Variants in DCTN2 observed in about 807,000 individuals in gnomAD.
DCTN2 encodes the protein 50 kDa dynein-associated polypeptide.
DCTN2 carries 18 observed loss-of-function variants against 55.4 expected under a neutral mutation model. The observed-to-expected ratio is 0.32, with a 90% confidence interval of 0.22 to 0.48. The LOEUF is 0.48. Among genes scored for constraint, DCTN2 ranks in the 20% least tolerant of loss-of-function variants. DCTN2 has a pLI of 0.99. For missense variants in DCTN2, 390 were observed against 491.0 expected (o/e 0.79, Z 1.94); for synonymous variants, 168 against 185.2 (o/e 0.91, Z 0.76).
chr12:57,532,466 C>G (rs1419155868), intron 11 of DCTN2, 106 bp downstream of exon 11: 9 of 1,386,886 alleles, frequency 6.5e-6, no homozygotes, highest in African/African-American at 1.4e-5. Context: ...TTCATAAGAG[C>G]TTATGAAGAT....
intron 2 of DCTN2, chr12:57,542,876 T>C (rs1880812333): frequency 4.4e-6 from 2 of 455,838 alleles, no homozygotes; most frequent in Non-Finnish European, 8.8e-6. Context: ...TCTATCCATA[T>C]TGGTTGTCTC....
In DCTN2 at chr12:57,532,073, T is replaced by C; in HGVS notation, c.1061A>G (p.Asp354Gly). 8 of 1,564,766 alleles carry C rather than the reference T, an allele frequency of 5.1e-6. No homozygotes were observed. The highest frequency in any genetic ancestry group is 6.9e-6 in the Non-Finnish European group (8 of 1,153,814). ...MQFGQLLTHLDTTQQMIANSL... is the reference protein window; with the variant it reads ...MQFGQLLTHLGTTQQMIANSL... Reference sequence around the variant, plus strand: ...ATTAGCAATCATCTGCTGGGTGGTATCCAAGTGTGTCAGGAGCTGACCAAA... The same window carrying C: ...ATTAGCAATCATCTGCTGGGTGGTACCCAAGTGTGTCAGGAGCTGACCAAA... The change falls in exon 13 of 14, where the codon GAT (aspartate) becomes GGT (glycine). Residue 354 changes from aspartate (D) to glycine (G), a missense_variant. By Grantham distance (94) the Asp-to-Gly change is moderately conservative (BLOSUM62 -1). This residue lies in a region of DCTN2 where 273 missense variants were observed against 303.2 expected (regional missense o/e 0.90). Coordinates refer to ENST00000548249, the MANE Select transcript of DCTN2 (RefSeq NM_001261413.2).
chr12:57,534,271 T>C (rs1880026666), intron 6 of DCTN2, 21 bp downstream of exon 6: 1 of 1,562,788 alleles, frequency 6.4e-7, no homozygotes, highest in Non-Finnish European at 8.7e-7. Flanking sequence ...CAATGATTTT[T>C]CAACAAAGTA....
intron 7 of DCTN2, 41 bp from the exon 8 acceptor site, chr12:57,533,344 T>C (rs763410114): frequency 6.4e-7 from 1 of 1,574,670 alleles, no homozygotes; most frequent in Non-Finnish European, 8.7e-7. Flanking sequence ...TCTGCTTCCC[T>C]GCTGCTGCAA....
At chr12:57,534,601 T>C (rs532888267) in intron 5 of DCTN2, 149 bp from the exon 6 acceptor site, 1 of 659,236 alleles carries the variant, frequency 1.5e-6, no homozygotes, top group Non-Finnish European at 2.5e-6. Context: ...TAGCACTGCA[T>C]ACAGATGGAT....
Position 57,535,749 on chromosome 12 carries a change from C to T in DCTN2, c.202G>A (p.Asp68Asn). 6.2e-7 allele frequency: 1 copy of T among 1,613,306 alleles called. No homozygotes were observed. The highest frequency in any genetic ancestry group is 8.5e-7 in the Non-Finnish European group (1 of 1,179,276). ...CACCCAGCTTCCAGCCCAGTCTCAC[C>T]AAGTCCCTTTGTCCCCACTCTCTTG... The part of the protein sequence containing the change: ...KDKRVGTKGL[D>N]FSDRIGKTKR... Residue 68 changes from aspartate to asparagine, a missense_variant and splice_region_variant, in exon 3 of 14, where the codon GAT becomes AAT. By Grantham distance (23) the Asp-to-Asn change is conservative. This residue lies in a region of DCTN2 where 117 missense variants were observed against 187.8 expected (regional missense o/e 0.62). Transcript: ENST00000548249.
At chr12:57,534,734 C>T (rs969485360) in intron 5 of DCTN2, among the ~76,000 whole-genome samples, 1 of 152,132 alleles carries the variant, frequency 6.6e-6, no homozygotes, top group African/African-American at 2.4e-5. Context: ...GTGGCATGAT[C>T]TGGGCTCACT....
At chr12:57,534,840 G>C (rs771035053) in intron 5 of DCTN2, 2 of 461,200 alleles carry the variant, frequency 4.3e-6, no homozygotes, top group Non-Finnish European at 7.7e-6. Context: ...CTAAGTTTTT[G>C]TATTTTTTTA....
At chr12:57,540,117 G>C in intron 2 of DCTN2, 2 of 985,322 alleles carry the variant, frequency 2.0e-6, no homozygotes, top group Non-Finnish European at 2.4e-6. Context: ...GGTCGAGGCT[G>C]GGATGTCTCT....
At chr12:57,543,675 C>G in intron 2 of DCTN2, 1 of 783,952 alleles carries the variant, frequency 1.3e-6, no homozygotes, top group Admixed American at 6.2e-5. Flanking sequence ...GCTCTTCGGG[C>G]CCCTGAAGTG....
chr12:57,533,380 T>C, intron 7 of DCTN2, 77 bp from the exon 8 acceptor site: 1 of 1,331,426 alleles, frequency 7.5e-7, no homozygotes, highest in Non-Finnish European at 1.1e-6. Context: ...CCTGCTCTAC[T>C]CTGCCTGCCA....
At chr12:57,541,291 A>G (rs1274745268) in intron 2 of DCTN2, 1 of 1,562,744 alleles carries the variant, frequency 6.4e-7, no homozygotes, top group East Asian at 2.2e-5. Flanking sequence ...CAACAATAGC[A>G]CAGTGGCAGA....
intron 2 of DCTN2, among the ~76,000 whole-genome samples, chr12:57,536,508 C>T (rs532271302): frequency 4.1e-4 from 62 of 152,296 alleles, no homozygotes; most frequent in African/African-American, 1.4e-3. Flanking sequence ...CAAACATAGG[C>T]AATATCTGCT....
At chr12:57,536,535 G>A (rs1880247295) in intron 2 of DCTN2, among the ~76,000 whole-genome samples, 1 of 152,168 alleles carries the variant, frequency 6.6e-6, no homozygotes, top group South Asian at 2.1e-4. Flanking sequence ...GAGTATCCAT[G>A]GGCAAGAGCC....
intron 13 of DCTN2, among the ~76,000 whole-genome samples, chr12:57,531,510 C>CT (rs1196878214): frequency 1.4e-4 from 22 of 152,126 alleles, no homozygotes; most frequent in African/African-American, 1.9e-4. Flanking sequence ...GAGCGAGACT[C>CT]TGTCTTAAAA....
rs117690896 is a variant in DCTN2, at chr12:57,532,845, G to C, written c.775-35C>G. 1,444 of 1,612,646 alleles carry C rather than the reference G, an allele frequency of 9.0e-4. 35 individuals carry two copies. In the East Asian group the frequency reaches 0.026, roughly 29 times the overall value. ...GAAGTTGGGACAAGCATCATGAAGA[G>C]GAAAGGCAGACTAGCAAGAGGCCTC... On this transcript the variant is annotated intron_variant, in intron 9 of 13. Transcript: ENST00000548249.
chr12:57,534,590 G>A, intron 5 of DCTN2, 138 bp from the exon 6 acceptor site: 1 of 783,020 alleles, frequency 1.3e-6, no homozygotes, highest in Non-Finnish European at 2.0e-6. Context: ...CCACCTGTAT[G>A]TAGCACTGCA....
intron 2 of DCTN2, among the ~76,000 whole-genome samples, chr12:57,539,516 G>A (rs368291891): frequency 2.0e-5 from 3 of 152,314 alleles, no homozygotes; most frequent in South Asian, 4.1e-4. Context: ...TCCCACTTCC[G>A]GGCAAGGCTG....
chr12:57,535,968 G>A, intron 2 of DCTN2, 123 bp from the exon 3 acceptor site: 2 of 755,010 alleles, frequency 2.6e-6, no homozygotes, highest in African/African-American at 1.7e-5. Flanking sequence ...AAAGAAGGGT[G>A]GCTCTATTCC....
Sources: gnomAD v4.1 joint callset for allele counts (sites outside exome capture counted in the v4.1 genomes callset) on GRCh38, gnomAD v4.1.1 for gene constraint, gnomAD v4.1.1 regional missense constraint, MANE v1.5 for transcripts, NCBI Gene and HGNC (gene_info 2026-07-23, HGNC 2026-07-21) for gene names.